The following GPM6A variants were observed in gnomAD, a reference collection of about 807,000 sequenced individuals.
GPM6A encodes neuronal membrane glycoprotein M6-a.
GPM6A carries 7 observed loss-of-function variants against 32.1 expected under a neutral mutation model. The ratio of observed to expected loss-of-function variants is 0.22; its 90% CI spans 0.12 to 0.41. The LOEUF (loss-of-function observed/expected upper bound fraction) is 0.41, where lower values mean the gene tolerates loss of function less well. GPM6A is among the 10% of genes least tolerant of loss of function. GPM6A has a pLI of 1.00. For missense variants in GPM6A, 235 were observed against 347.2 expected, an observed-to-expected ratio of 0.68 and a Z score of 2.57; for synonymous variants, 130 against 123.4, an observed-to-expected ratio of 1.05 and a Z score of -0.35.
intron 2 of GPM6A, among the ~76,000 whole-genome samples, chr4:175,684,083 C>T (rs1016378266): frequency 2.6e-5 from 4 of 152,108 alleles, no homozygotes; most frequent in African/African-American, 9.7e-5. Flanking sequence ...CCTGCCTCTG[C>T]CTCCCAAAGT....
intron 1 of GPM6A, among the ~76,000 whole-genome samples, chr4:175,830,198 T>A (rs1294584876): frequency 6.6e-6 from 1 of 152,152 alleles, no homozygotes. Flanking sequence ...GCTGGTCATG[T>A]GAGTTTGGGG....
chr4:175,724,773 G>A (rs1160253570), intron 1 of GPM6A, among the ~76,000 whole-genome samples: 1 of 152,136 alleles, frequency 6.6e-6, no homozygotes, highest in Non-Finnish European at 1.5e-5. Flanking sequence ...AAAACCCGCA[G>A]TAGCTTCTCA....
chr4:175,828,492 C>T (rs965704676), intron 1 of GPM6A, among the ~76,000 whole-genome samples: 15 of 152,070 alleles, frequency 9.9e-5, no homozygotes, highest in Non-Finnish European at 1.8e-4. Flanking sequence ...AATTGTTATT[C>T]TTTACAGAGT....
intron 3 of GPM6A, chr4:175,654,262 A>C (rs1017933484): frequency 1.3e-5 from 2 of 152,174 alleles, no homozygotes; most frequent in African/African-American, 4.8e-5. Context: ...TTAGCAATAA[A>C]AGGGGGTCTT....
At chr4:175,911,406 GC>G (rs1194600962) in intron 1 of GPM6A, among the ~76,000 whole-genome samples, 1 of 152,000 alleles carries the variant, frequency 6.6e-6, no homozygotes, top group Non-Finnish European at 1.5e-5. Context: ...ACTACTTAAG[GC>G]CCAGTAACAC....
intron 3 of GPM6A, among the ~76,000 whole-genome samples, chr4:175,663,413 C>A (rs994165388): frequency 6.6e-6 from 1 of 152,122 alleles, no homozygotes; most frequent in Admixed American, 6.6e-5. Context: ...CTGGTCAAAG[C>A]ACACAAGGTT....
intron 1 of GPM6A, among the ~76,000 whole-genome samples, chr4:175,789,114 T>C (rs1368892991): frequency 6.6e-6 from 1 of 152,176 alleles, no homozygotes; most frequent in Non-Finnish European, 1.5e-5. Context: ...CTATCACTAA[T>C]TAGTTCCTAA....
chr4:175,944,290 G>C (rs1479750692), intron 1 of GPM6A, among the ~76,000 whole-genome samples: 1 of 152,108 alleles, frequency 6.6e-6, no homozygotes, highest in African/African-American at 2.4e-5. Flanking sequence ...TAATTTTTGT[G>C]CTGGCATATA....
intron 1 of GPM6A, among the ~76,000 whole-genome samples, chr4:175,965,987 CAA>C (rs1378939706): frequency 6.6e-6 from 1 of 152,144 alleles, no homozygotes; most frequent in African/African-American, 2.4e-5. Flanking sequence ...TCTATGCCCA[CAA>C]ATTTGATAAC....
intron 2 of GPM6A, among the ~76,000 whole-genome samples, chr4:175,695,280 C>G (rs1465084619): frequency 1.3e-5 from 2 of 152,154 alleles, no homozygotes; most frequent in East Asian, 3.9e-4. Context: ...AGAGGGCTAC[C>G]ATCCTCTAGA....
intron 1 of GPM6A, among the ~76,000 whole-genome samples, chr4:175,839,241 C>T (rs1196570149): frequency 2.0e-5 from 3 of 152,000 alleles, no homozygotes; most frequent in Non-Finnish European, 4.4e-5. Flanking sequence ...CAGAAGAAAA[C>T]AAATAAATAG....
At chr4:175,733,674 T>A (rs1009094728) in intron 1 of GPM6A, among the ~76,000 whole-genome samples, 1 of 152,200 alleles carries the variant, frequency 6.6e-6, no homozygotes, top group African/African-American at 2.4e-5. Flanking sequence ...TGCTCTTTAT[T>A]TTATGTACCT....
intron 1 of GPM6A, among the ~76,000 whole-genome samples, chr4:175,900,273 TAA>T (rs34011904): frequency 3.1e-4 from 36 of 116,362 alleles, no homozygotes; most frequent in Admixed American, 5.8e-4. Flanking sequence ...GACTCTGTCT[TAA>T]AAAAAAAAAA....
chr4:175,967,655 C>T (rs766159258), intron 1 of GPM6A, among the ~76,000 whole-genome samples: 1 of 152,072 alleles, frequency 6.6e-6, no homozygotes, highest in Non-Finnish European at 1.5e-5. Context: ...AAATAAAAAA[C>T]AAAATGTCAT....
intron 1 of GPM6A, among the ~76,000 whole-genome samples, chr4:175,957,201 T>C (rs1372518927): frequency 6.6e-6 from 1 of 152,168 alleles, no homozygotes; most frequent in Non-Finnish European, 1.5e-5. Flanking sequence ...TACCCACTAT[T>C]ACAGCCTCTT....
At chr4:175,689,988 G>A (rs1421864119) in intron 2 of GPM6A, among the ~76,000 whole-genome samples, 1 of 152,172 alleles carries the variant, frequency 6.6e-6, no homozygotes, top group Non-Finnish European at 1.5e-5. Context: ...GGGCTGATGT[G>A]GGATAAATAA....
At chr4:175,675,657 A>G (rs79123237) in intron 2 of GPM6A, among the ~76,000 whole-genome samples, 4,374 of 151,788 alleles carry the variant, frequency 0.029, 81 homozygotes, top group Non-Finnish European at 0.039. Flanking sequence ...TTATTTATTT[A>G]TTTATTTTTC....
At chr4:175,843,037 A>G (rs113853422) in intron 1 of GPM6A, among the ~76,000 whole-genome samples, 4,267 of 151,578 alleles carry the variant, frequency 0.028, 179 homozygotes, top group African/African-American at 0.095. Flanking sequence ...TTTTATATGT[A>G]TATATATGTA....
In GPM6A at chr4:175,870,256, TTTTTTTTCAA is replaced by T. The variant is rs899837762; in HGVS notation, c.-22-58017_-22-58008del. 2.7e-4 allele frequency among the ~76,000 whole-genome samples: 34 copies of T among 126,236 alleles called. 1 individual carries two copies. The allele number at this position is 126,236 out of a possible 152,430, so 82.8% of individuals were successfully genotyped here. On this transcript the variant is annotated intron_variant, in intron 1 of 7. Transcript: ENST00000280187. ...GCTTTTTTCTTGAACCAAGTCAAAT[TTTTTTTTCAA>T]TTTTTTTCAGGGCAGTAATTCAATT... is the stretch of plus-strand genomic sequence containing the variant.
Sources: allele counts gnomAD v4.1 joint callset (sites outside exome capture counted in the v4.1 genomes callset), GRCh38; gene constraint gnomAD v4.1.1; transcripts MANE v1.5; gene names NCBI Gene and HGNC (gene_info 2026-07-23, HGNC 2026-07-21).